Variants in SORCS3 observed in about 807,000 individuals in gnomAD.
SORCS3 encodes VPS10 domain-containing receptor SorCS3.
In SORCS3, 57 loss-of-function variants were observed where a neutral mutation model predicts 146.3. The observed-to-expected ratio is 0.39, with a 90% CI of 0.31 to 0.49. The LOEUF (loss-of-function observed/expected upper bound fraction) is 0.49, where lower values mean the gene tolerates loss of function less well. SORCS3 is among the 20% of genes least tolerant of loss of function. The pLI, the probability that SORCS3 is intolerant of heterozygous loss-of-function variation, is 0.92. For synonymous variants in SORCS3, 653 were observed against 618.5 expected, an observed-to-expected ratio of 1.06 and a Z score of -0.83; for missense variants, 1,341 against 1,575.5, an observed-to-expected ratio of 0.85 and a Z score of 2.52.
chr10:105,241,713 C>T (rs1468066603), intron 20 of SORCS3, among the ~76,000 whole-genome samples: 1 of 152,112 alleles, frequency 6.6e-6, no homozygotes, highest in African/African-American at 2.4e-5. Context: ...TCATCTCCTC[C>T]CTGACTTCAA....
At chr10:105,214,382 A>ACACACG (rs2056652490) in intron 17 of SORCS3, 60 bp from the exon 18 acceptor site, 2 of 1,588,098 alleles carry the variant, frequency 1.3e-6, no homozygotes, top group South Asian at 2.2e-5. Context: ...ACACACACAC[A>ACACACG]TACAACAGCA....
intron 18 of SORCS3, 143 bp downstream of exon 18, chr10:105,214,756 G>A (rs1002099160): frequency 6.6e-6 from 5 of 762,950 alleles, no homozygotes; most frequent in Non-Finnish European, 1.0e-5. Flanking sequence ...AGACAGACAA[G>A]GGTGAAAGAG....
In SORCS3 at chr10:105,247,223, T is replaced by C. The variant is rs1349413914; in HGVS notation, c.2997T>C (p.Tyr999=). 1.3e-6 allele frequency: 2 copies of C among 1,584,420 alleles called. No individual in the cohort carries two copies. Among genetic ancestry groups the C allele is most frequent in the South Asian group, 2.2e-5 (2 of 89,528 alleles). ...QDTKEIAVHE[Y]FQSQLLSFSP... is the part of the protein sequence containing the mutation. The stretch of plus-strand genomic sequence containing the variant: ...AAACATTCTCTCTCCCTGCAGAATA[T>C]TTCCAGTCCCAGCTTTTATCATTCT... Residue 999 remains tyrosine (Y), a synonymous_variant, in exon 22 of 27, where the codon TAT becomes TAC. Coordinates refer to ENST00000369701, the MANE Select transcript of SORCS3 (RefSeq NM_014978.3).
At chr10:105,003,890 A>G (rs1426254111) in intron 4 of SORCS3, among the ~76,000 whole-genome samples, 1 of 151,200 alleles carries the variant, frequency 6.6e-6, no homozygotes, top group African/African-American at 2.4e-5. Flanking sequence ...TGGGCACTTC[A>G]TTTTTCATCC....
At chr10:104,696,226 A>ATATG (rs1291656347) in intron 1 of SORCS3, among the ~76,000 whole-genome samples, 4 of 23,596 alleles carry the variant, frequency 1.7e-4, no homozygotes, top group African/African-American at 5.7e-4. Context: ...ACACATATAT[A>ATATG]ATATATATCA....
intron 8 of SORCS3, among the ~76,000 whole-genome samples, chr10:105,142,028 G>C (rs910727659): frequency 2.6e-5 from 4 of 152,120 alleles, no homozygotes; most frequent in Non-Finnish European, 5.9e-5. Flanking sequence ...CTCTTAACCT[G>C]TCCTACATGG....
At chr10:104,710,190 A>G (rs2016394949) in intron 1 of SORCS3, among the ~76,000 whole-genome samples, 1 of 152,184 alleles carries the variant, frequency 6.6e-6, no homozygotes, top group Admixed American at 6.5e-5. Flanking sequence ...CTTTCAGAAA[A>G]AACAGAGCTG....
intron 1 of SORCS3, among the ~76,000 whole-genome samples, chr10:104,798,938 T>C (rs559271789): frequency 6.6e-6 from 1 of 152,254 alleles, no homozygotes; most frequent in East Asian, 1.9e-4. Context: ...AACAGACATA[T>C]GAAAAAATGC....
intron 9 of SORCS3, among the ~76,000 whole-genome samples, chr10:105,156,066 G>A (rs1314682425): frequency 2.0e-5 from 3 of 152,146 alleles, no homozygotes; most frequent in Non-Finnish European, 4.4e-5. Context: ...CATTCTCTCC[G>A]AAGTGAGTAA....
chr10:104,663,905 C>T (rs566170338), intron 1 of SORCS3, among the ~76,000 whole-genome samples: 11 of 152,146 alleles, frequency 7.2e-5, no homozygotes, highest in Non-Finnish European at 1.3e-4. Flanking sequence ...TTCCCCACCC[C>T]GGCCTCTCTG....
chr10:105,026,843 G>A (rs930771907), intron 4 of SORCS3, among the ~76,000 whole-genome samples: 6 of 152,132 alleles, frequency 3.9e-5, no homozygotes, highest in African/African-American at 1.4e-4. Flanking sequence ...GGTGGGGGAA[G>A]GGGACCAAGG....
At chr10:104,923,097 C>T (rs1348016911) in intron 3 of SORCS3, among the ~76,000 whole-genome samples, 3 of 152,178 alleles carry the variant, frequency 2.0e-5, no homozygotes, top group Non-Finnish European at 4.4e-5. Flanking sequence ...CACTTCCCTC[C>T]CAGGGCTTTC....
At chr10:104,839,584 T>G (rs537535567) in intron 1 of SORCS3, among the ~76,000 whole-genome samples, 3 of 152,264 alleles carry the variant, frequency 2.0e-5, no homozygotes, top group Non-Finnish European at 4.4e-5. Flanking sequence ...GGAGTCTAAG[T>G]GTGCCAGTCT....
At chr10:104,958,592 C>A (rs1431237132) in intron 3 of SORCS3, among the ~76,000 whole-genome samples, 1 of 152,106 alleles carries the variant, frequency 6.6e-6, no homozygotes, top group Non-Finnish European at 1.5e-5. Flanking sequence ...CTGCTGCTGG[C>A]TTTGAAGATG....
At chr10:104,705,704 A>G (rs1346031531) in intron 1 of SORCS3, among the ~76,000 whole-genome samples, 1 of 152,240 alleles carries the variant, frequency 6.6e-6, no homozygotes, top group Non-Finnish European at 1.5e-5. Context: ...TAGGAGTAGC[A>G]TGAAGTAGGC....
At chr10:105,036,587 C>T (rs1285491803) in intron 4 of SORCS3, among the ~76,000 whole-genome samples, 1 of 152,136 alleles carries the variant, frequency 6.6e-6, no homozygotes, top group Admixed American at 6.5e-5. Flanking sequence ...TCTGGGTACC[C>T]AGAGCTTAGA....
chr10:105,061,835 A>T (rs73342225), intron 5 of SORCS3, among the ~76,000 whole-genome samples: 8,952 of 152,038 alleles, frequency 0.059, 287 homozygotes, highest in Middle Eastern at 0.088. Context: ...GCCTTGAACC[A>T]AAGGATTGGG....
At chr10:104,841,062 A>ATGTG (rs1337957272) in intron 1 of SORCS3, among the ~76,000 whole-genome samples, 1 of 151,922 alleles carries the variant, frequency 6.6e-6, no homozygotes, top group East Asian at 1.9e-4. Context: ...GTGTGTGTGT[A>ATGTG]TGTGTGTGTG....
At chr10:105,120,937 G>T (rs541992874) in intron 7 of SORCS3, among the ~76,000 whole-genome samples, 5 of 152,220 alleles carry the variant, frequency 3.3e-5, no homozygotes, top group African/African-American at 9.6e-5. Flanking sequence ...TGGTAAGCGT[G>T]CTGTGCAGTT....
Sources: gnomAD v4.1 joint callset for allele counts (sites outside exome capture counted in the v4.1 genomes callset) on GRCh38, gnomAD v4.1.1 for gene constraint, MANE v1.5 for transcripts, NCBI Gene and HGNC (gene_info 2026-07-23, HGNC 2026-07-21) for gene names.